The following ACBD6 variants were observed in gnomAD, a reference collection of about 807,000 sequenced individuals.
ACBD6 encodes acyl-CoA binding domain containing 6.
A neutral mutation model predicts 37.2 loss-of-function variants in ACBD6; 28 were observed. The observed-to-expected ratio is 0.75, with a 90% CI of 0.56 to 1.03. ACBD6 has a LOEUF of 1.03. Among genes scored for constraint, ACBD6 ranks in the 50% least tolerant of loss-of-function variants. ACBD6 has a pLI of 0.00. For missense variants in ACBD6, 340 were observed against 337.4 expected (o/e 1.01, Z -0.06); for synonymous variants, 113 against 126.8 (o/e 0.89, Z 0.73).
At chr1:180,428,378 A>T (rs182665380) in intron 4 of ACBD6, among the ~76,000 whole-genome samples, 6 of 152,380 alleles carry the variant, frequency 3.9e-5, no homozygotes, top group African/African-American at 1.4e-4. Flanking sequence ...ATAGGTTCAT[A>T]ATAAATGTGT....
intron 6 of ACBD6, among the ~76,000 whole-genome samples, chr1:180,355,252 G>C (rs532004598): frequency 2.3e-4 from 35 of 152,316 alleles, no homozygotes; most frequent in Non-Finnish European, 4.3e-4. Context: ...AAGTGGCAGA[G>C]TCAGAACTTA....
chr1:180,354,128 A>G (rs1018021777), intron 6 of ACBD6, among the ~76,000 whole-genome samples: 1 of 152,240 alleles, frequency 6.6e-6, no homozygotes, highest in Non-Finnish European at 1.5e-5. Flanking sequence ...AACAATCTGC[A>G]GTTTGATCCG....
intron 3 of ACBD6, among the ~76,000 whole-genome samples, chr1:180,436,227 A>C (rs1363015789): frequency 2.0e-5 from 3 of 152,194 alleles, no homozygotes; most frequent in Admixed American, 6.5e-5. Context: ...GTGGAAGCTG[A>C]TAATATGTAG....
intron 4 of ACBD6, among the ~76,000 whole-genome samples, chr1:180,415,016 G>T (rs1648018354): frequency 6.6e-6 from 1 of 152,064 alleles, no homozygotes; most frequent in African/African-American, 2.4e-5. Flanking sequence ...GGCAGAGCTT[G>T]CAGTGAGCCG....
chr1:180,397,752 A>G, intron 5 of ACBD6, 147 bp from the exon 6 acceptor site: 1 of 753,978 alleles, frequency 1.3e-6, no homozygotes. Context: ...CTATGGAAAA[A>G]GCAATAAACA....
chr1:180,355,395 T>C lies in ACBD6; in HGVS notation c.664-40673A>G, dbSNP rs535017447. Among the ~76,000 whole-genome samples the C allele has an allele frequency of 4.7e-4, 71 of 152,334 alleles. No individual in the cohort carries two copies. The South Asian group carries it at 0.011, about 24-fold the overall frequency. ...AGATTCATTCTTCTCTTTGAGTATG[T>C]TACCATTCTTTTGGGAAAACATCTT... On this transcript the variant is annotated intron_variant, in intron 6 of 7. Coordinates refer to ENST00000367595, the MANE Select transcript of ACBD6 (RefSeq NM_032360.4).
intron 7 of ACBD6, 130 bp from the exon 8 acceptor site, chr1:180,288,647 G>A: frequency 1.8e-6 from 2 of 1,118,482 alleles, no homozygotes; most frequent in East Asian, 5.2e-5. Flanking sequence ...AGTGACTGAA[G>A]GATGGTCAGG....
intron 4 of ACBD6, among the ~76,000 whole-genome samples, chr1:180,422,595 C>T (rs553268573): frequency 7.2e-5 from 11 of 152,196 alleles, no homozygotes; most frequent in Non-Finnish European, 1.5e-4. Context: ...CCTCAATCTA[C>T]AATACGTATT....
intron 2 of ACBD6, among the ~76,000 whole-genome samples, chr1:180,495,077 T>C (rs1651679378): frequency 6.6e-6 from 1 of 152,008 alleles, no homozygotes; most frequent in Non-Finnish European, 1.5e-5. Context: ...GGGTGAAAAA[T>C]GGGGATTTAT....
chr1:180,399,921 G>T (rs149746132), intron 5 of ACBD6, among the ~76,000 whole-genome samples: 402 of 152,222 alleles, frequency 2.6e-3, no homozygotes, highest in African/African-American at 9.4e-3. Flanking sequence ...TTAAGACGAT[G>T]TGTGATATAT....
At chr1:180,279,600 T>A (rs1183956483) in intron 9 of ACBD6, among the ~76,000 whole-genome samples, 1 of 152,274 alleles carries the variant, frequency 6.6e-6, no homozygotes, top group East Asian at 1.9e-4. Flanking sequence ...GCCCGGCCTG[T>A]CCAGTAGCAT....
At chr1:180,271,850 A>C (rs1294068223) in exon 14 of ACBD6, 2 of 1,613,888 alleles carry the variant, frequency 1.2e-6, no homozygotes, top group Non-Finnish European at 1.7e-6. Flanking sequence ...GTTTCAGAAC[A>C]GAAGGGCCAA....
chr1:180,479,938 G>C (rs1382664518), intron 3 of ACBD6, among the ~76,000 whole-genome samples: 2 of 151,960 alleles, frequency 1.3e-5, no homozygotes, highest in African/African-American at 4.8e-5. Context: ...TCAGTGAGCA[G>C]AGATCGCACC....
rs779208244 is a variant in ACBD6, at chr1:180,502,287, CCT to C, written c.-23_-22del. 3 of 1,611,226 alleles carry C rather than the reference CCT, an allele frequency of 1.9e-6. No homozygotes were observed. Among genetic ancestry groups the C allele is most frequent in the East Asian group, 2.2e-5 (1 of 44,870 alleles). On this transcript the variant is annotated 5_prime_UTR_variant, in exon 1 of 8. Coordinates refer to ENST00000367595, the MANE Select transcript of ACBD6 (RefSeq NM_032360.4). The stretch of plus-strand genomic sequence containing the variant: ...GCCATGTCTCCTTGCTCGCTCCGTC[CCT>C]CTGTGTCCGGTCTGTCCTCCTTGGA...
rs1281155036 is a variant in ACBD6, at chr1:180,299,430, G to A, written c.695-10913C>T. On this transcript the variant is annotated intron_variant, in intron 7 of 7. Transcript: ENST00000367595. ...GATTAGAACAGTTGCTGAATTTATG[G>A]TACCCTGGGAACCTCTATTTGTCAA... is the stretch of plus-strand genomic sequence containing the variant. 3.3e-5 allele frequency among the ~76,000 whole-genome samples: 5 copies of A among 152,120 alleles called. No individual in the cohort carries two copies. The East Asian group carries it at 7.7e-4, about 23-fold the overall frequency.
intron 10 of ACBD6, chr1:180,274,156 A>G (rs1231775691): frequency 6.2e-7 from 1 of 1,614,068 alleles, no homozygotes; most frequent in East Asian, 2.2e-5. Context: ...CTGGCAGCTG[A>G]CAATAAATCT....
chr1:180,364,676 T>G (rs1204553962), intron 6 of ACBD6, among the ~76,000 whole-genome samples: 1 of 151,758 alleles, frequency 6.6e-6, no homozygotes, highest in Non-Finnish European at 1.5e-5. Context: ...GGAAATTTAG[T>G]GGAGAGGAGT....
In ACBD6 at chr1:180,430,275, GA is replaced by G. The variant is rs762625867; in HGVS notation, c.385-14del. On this transcript the variant is annotated splice_polypyrimidine_tract_variant and intron_variant, in intron 3 of 7. Transcript: ENST00000367595. ...TCTTCTCTGGTATCTGTGGGAAGGA[GA>G]AAAAAAAGTGAAAAAAAGACAAATG... 6.8e-6 allele frequency: 11 copies of G among 1,607,310 alleles called. No individual in the cohort carries two copies. The African/African-American group carries it at 8.0e-5, about 12-fold the overall frequency.
At chr1:180,418,480 A>G (rs953629360) in intron 4 of ACBD6, among the ~76,000 whole-genome samples, 2 of 152,158 alleles carry the variant, frequency 1.3e-5, no homozygotes, top group Non-Finnish European at 1.5e-5. Flanking sequence ...TTGGGAAGCT[A>G]AGGTGATAGG....
Sources: gnomAD v4.1 joint callset for allele counts (sites outside exome capture counted in the v4.1 genomes callset) on GRCh38, gnomAD v4.1.1 for gene constraint, MANE v1.5 for transcripts, NCBI Gene and HGNC (gene_info 2026-07-23, HGNC 2026-07-21) for gene names.